Variants in ZMYM2 observed in about 807,000 individuals in gnomAD.
The protein encoded by ZMYM2 is zinc finger MYM-type protein 2.
ZMYM2 carries 56 observed loss-of-function variants against 162.8 expected under a neutral mutation model. The ratio of observed to expected loss-of-function variants is 0.34; its 90% CI spans 0.28 to 0.43. The LOEUF is 0.43. Among genes scored for constraint, ZMYM2 ranks in the 20% least tolerant of loss-of-function variants. ZMYM2 has a pLI of 1.00. For missense variants in ZMYM2, 1,275 were observed against 1,621.8 expected (o/e 0.79, Z 3.67); for synonymous variants, 510 against 541.6 (o/e 0.94, Z 0.81).
rs368072611 is a variant in ZMYM2 at position 20,011,831 on chromosome 13, C to T, written c.1512+5245C>T. Among the ~76,000 whole-genome samples the T allele has an allele frequency of 5.3e-5, 8 of 151,930 alleles. No individual in the cohort carries two copies. In the South Asian group the frequency reaches 1.2e-3, roughly 24 times the overall value. ...GTGGCACAGTCTCTGCTCATGCAAC[C>T]TCCACCTCCCGCGTTCAAGCAATTA... On this transcript the variant is annotated intron_variant, in intron 6 of 24. Coordinates refer to ENST00000610343, the MANE Select transcript of ZMYM2 (RefSeq NM_197968.4).
chr13:20,045,308 TGTAAA>T (rs558721609), intron 12 of ZMYM2, among the ~76,000 whole-genome samples: 2 of 152,170 alleles, frequency 1.3e-5, no homozygotes, highest in Non-Finnish European at 2.9e-5. Context: ...AGTTAAGAGC[TGTAAA>T]GTAATTCCCA....
chr13:19,910,871 C>T, the ZMYM2 span, among the ~76,000 whole-genome samples: 1 of 152,046 alleles, frequency 6.6e-6, no homozygotes, highest in Non-Finnish European at 1.5e-5. Flanking sequence ...TAGTCTAACT[C>T]TGGGAGACCT....
At chr13:19,996,398 C>G (rs958068419) in intron 3 of ZMYM2, among the ~76,000 whole-genome samples, 2 of 151,780 alleles carry the variant, frequency 1.3e-5, no homozygotes, top group African/African-American at 4.8e-5. Flanking sequence ...CTCTGGGCAA[C>G]AGAGCAAGAC....
At chr13:19,961,669 G>A (rs1378806472) in intron 2 of ZMYM2, among the ~76,000 whole-genome samples, 1 of 152,088 alleles carries the variant, frequency 6.6e-6, no homozygotes, top group Admixed American at 6.5e-5. Context: ...TGCAAAATCA[G>A]TACTTTTCTG....
At chr13:20,028,809 T>A in intron 9 of ZMYM2, among the ~76,000 whole-genome samples, 1 of 138,232 alleles carries the variant, frequency 7.2e-6, no homozygotes, top group African/African-American at 2.6e-5. Flanking sequence ...TGCAATCATC[T>A]TTTTTTTTTT....
intron 11 of ZMYM2, among the ~76,000 whole-genome samples, chr13:20,036,207 G>C (rs1566360435): frequency 6.6e-6 from 1 of 151,904 alleles, no homozygotes; most frequent in Non-Finnish European, 1.5e-5. Flanking sequence ...GTAGAAAAAA[G>C]ACATACTTCG....
the ZMYM2 span, among the ~76,000 whole-genome samples, chr13:19,933,646 G>C: frequency 6.6e-6 from 1 of 152,110 alleles, no homozygotes; most frequent in Non-Finnish European, 1.5e-5. Context: ...ATATTGCATC[G>C]CCAAGCAATA....
chr13:19,895,363 A>G, the ZMYM2 span, among the ~76,000 whole-genome samples: 4 of 151,898 alleles, frequency 2.6e-5, no homozygotes, highest in East Asian at 7.7e-4. Flanking sequence ...GAATATCTTA[A>G]ACTGGGTGAT....
At chr13:19,907,711 G>A in the ZMYM2 span, among the ~76,000 whole-genome samples, 8 of 116,760 alleles carry the variant, frequency 6.9e-5, no homozygotes, top group South Asian at 6.1e-4. Context: ...GCAGTGAGCC[G>A]AGATTGTGCC....
chr13:19,879,387 G>C, the ZMYM2 span, among the ~76,000 whole-genome samples: 1 of 151,994 alleles, frequency 6.6e-6, no homozygotes, highest in Non-Finnish European at 1.5e-5. Context: ...GCCAGTGTGG[G>C]CAACATGGCA....
intron 21 of ZMYM2, among the ~76,000 whole-genome samples, chr13:20,069,860 A>G (rs1956949719): frequency 6.6e-6 from 1 of 152,202 alleles, no homozygotes; most frequent in East Asian, 1.9e-4. Flanking sequence ...AAGTGATCAG[A>G]GTATTATTTA....
intron 2 of ZMYM2, among the ~76,000 whole-genome samples, chr13:19,988,507 T>C (rs1949355955): frequency 2.0e-5 from 3 of 152,286 alleles, no homozygotes; most frequent in Admixed American, 2.0e-4. Context: ...CGGCCGGGCA[T>C]GGTGGCTCAC....
chr13:20,000,173 C>T (rs1321482641), intron 3 of ZMYM2, among the ~76,000 whole-genome samples: 1 of 152,132 alleles, frequency 6.6e-6, no homozygotes, highest in Non-Finnish European at 1.5e-5. Flanking sequence ...ATGACATTTC[C>T]TTAAGCCAAA....
chr13:19,886,502 T>G, the ZMYM2 span, among the ~76,000 whole-genome samples: 1 of 152,012 alleles, frequency 6.6e-6, no homozygotes, highest in African/African-American at 2.4e-5. Context: ...AGCAGAGCAT[T>G]AAACATAGTA....
chr13:19,914,249 G>C, the ZMYM2 span, among the ~76,000 whole-genome samples: 7 of 152,226 alleles, frequency 4.6e-5, no homozygotes, highest in Non-Finnish European at 8.8e-5. Flanking sequence ...GCTCACTAAA[G>C]AGTGACCTCC....
the ZMYM2 span, among the ~76,000 whole-genome samples, chr13:19,884,783 G>A: frequency 5.2e-4 from 79 of 152,164 alleles, 2 homozygotes; most frequent in East Asian, 0.013. Context: ...ACGCCCCCAA[G>A]ACAGAAAAAC....
chr13:19,936,763 T>TA, the ZMYM2 span, among the ~76,000 whole-genome samples: 1 of 151,974 alleles, frequency 6.6e-6, no homozygotes, highest in Non-Finnish European at 1.5e-5. Flanking sequence ...GAACAACACT[T>TA]AAAAAAATCA....
At chr13:19,991,995 T>G (rs746423897) in intron 2 of ZMYM2, among the ~76,000 whole-genome samples, 4 of 152,138 alleles carry the variant, frequency 2.6e-5, no homozygotes, top group Non-Finnish European at 5.9e-5. Flanking sequence ...CCATATAATC[T>G]CACTTGAAAA....
rs183577563 is a variant in ZMYM2, at chr13:20,070,857, T to G, written c.3453+3467T>G. 577 of 153,138 alleles carry G rather than the reference T, an allele frequency of 3.8e-3. 2 individuals are homozygous for G. Among genetic ancestry groups the G allele is most frequent in the Middle Eastern group, 0.013 (4 of 302 alleles). 9.5% of individuals were successfully genotyped at this position (153,138 alleles called of 1,614,324 possible). A position where few individuals can be genotyped will look rare whatever the true frequency, so the allele number is the denominator to read the frequency against. On this transcript the variant is annotated intron_variant, in intron 21 of 24. Coordinates refer to ENST00000610343, the MANE Select transcript of ZMYM2 (RefSeq NM_197968.4). Reference sequence around the variant, plus strand: ...CACTAAAAGGTCCAGTGGCTGAAACTGTGTTTCCCTGCATCATAATGGAGC... The same window carrying G: ...CACTAAAAGGTCCAGTGGCTGAAACGGTGTTTCCCTGCATCATAATGGAGC...
Sources: gnomAD v4.1 joint callset for allele counts (sites outside exome capture counted in the v4.1 genomes callset) on GRCh38, gnomAD v4.1.1 for gene constraint, MANE v1.5 for transcripts, NCBI Gene and HGNC (gene_info 2026-07-23, HGNC 2026-07-21) for gene names.